ERBB4: variants seen among roughly 807,000 people sequenced by gnomAD.
The protein encoded by ERBB4 is receptor tyrosine-protein kinase erbB-4.
ERBB4 carries 42 observed loss-of-function variants against 158.0 expected under a neutral mutation model. The ratio of observed to expected loss-of-function variants is 0.27; its 90% confidence interval spans 0.21 to 0.34. The LOEUF (loss-of-function observed/expected upper bound fraction) is 0.34, where lower values mean the gene tolerates loss of function less well. ERBB4 is among the 10% of genes least tolerant of loss of function. The pLI is 1.00. For missense variants in ERBB4, 1,333 were observed against 1,624.1 expected (o/e 0.82, Z 3.08); for synonymous variants, 583 against 558.7 (o/e 1.04, Z -0.61).
At chr2:211,582,429 T>C (rs191053833) in intron 19 of ERBB4, among the ~76,000 whole-genome samples, 2 of 152,318 alleles carry the variant, frequency 1.3e-5, no homozygotes, top group Admixed American at 1.3e-4. Flanking sequence ...GTGATCTAAG[T>C]CTTTCCTTTA....
intron 1 of ERBB4, among the ~76,000 whole-genome samples, chr2:212,200,632 G>T (rs2082562500): frequency 6.6e-6 from 1 of 152,150 alleles, no homozygotes; most frequent in Non-Finnish European, 1.5e-5. Flanking sequence ...GCTACAGTAG[G>T]CCAACTGGAT....
intron 2 of ERBB4, among the ~76,000 whole-genome samples, chr2:212,005,774 C>A (rs1010431949): frequency 6.6e-6 from 1 of 152,118 alleles, no homozygotes; most frequent in Non-Finnish European, 1.5e-5. Flanking sequence ...TTCCATATTT[C>A]TATTTTTCAA....
Position 211,679,205 on chromosome 2 carries a change from G to A in ERBB4, c.1490-21C>T, listed in dbSNP as rs113150668. 1.2e-3 allele frequency: 1,887 copies of A among 1,612,500 alleles called. 20 individuals are homozygous for A. The African/African-American group carries it at 0.021, about 18-fold the overall frequency. On this transcript the variant is annotated intron_variant, in intron 12 of 27. Transcript: ENST00000342788. ...AGCAGCTGTGAAACACCAAAATCAAGGGGAAATAAAACAGAGGATTGTGTC... is the reference window on the plus strand; with the variant it reads ...AGCAGCTGTGAAACACCAAAATCAAAGGGAAATAAAACAGAGGATTGTGTC...
At chr2:211,869,873 AC>A (rs2078299304) in intron 3 of ERBB4, among the ~76,000 whole-genome samples, 1 of 152,084 alleles carries the variant, frequency 6.6e-6, no homozygotes, top group South Asian at 2.1e-4. Context: ...CACCACAAAA[AC>A]CTATTTGATT....
intron 1 of ERBB4, among the ~76,000 whole-genome samples, chr2:212,257,139 T>G (rs2084767258): frequency 6.6e-6 from 1 of 152,140 alleles, no homozygotes; most frequent in Admixed American, 6.5e-5. Flanking sequence ...CACTTATAAG[T>G]GAGGACATGC....
chr2:212,022,706 A>G (rs183778155), intron 2 of ERBB4, among the ~76,000 whole-genome samples: 32 of 152,200 alleles, frequency 2.1e-4, no homozygotes, highest in Admixed American at 1.2e-3. Context: ...AACATAAAAA[A>G]CTATAATCTG....
At chr2:211,564,633 C>T (rs906916180) in intron 19 of ERBB4, among the ~76,000 whole-genome samples, 6 of 152,124 alleles carry the variant, frequency 3.9e-5, no homozygotes, top group African/African-American at 1.4e-4. Flanking sequence ...AATCTTGATA[C>T]ATGTACCTTC....
intron 2 of ERBB4, among the ~76,000 whole-genome samples, chr2:212,123,027 T>C (rs1376573373): frequency 3.3e-5 from 5 of 152,366 alleles, no homozygotes; most frequent in African/African-American, 1.2e-4. Flanking sequence ...GTCTATTCTA[T>C]AAAGTCATTG....
chr2:211,644,937 C>G (rs1273310839), intron 16 of ERBB4, among the ~76,000 whole-genome samples: 1 of 151,792 alleles, frequency 6.6e-6, no homozygotes, highest in Non-Finnish European at 1.5e-5. Context: ...TACAATCATG[C>G]CAATTGAGTT....
intron 1 of ERBB4, among the ~76,000 whole-genome samples, chr2:212,211,849 G>A (rs1378223569): frequency 6.6e-6 from 1 of 151,926 alleles, no homozygotes; most frequent in East Asian, 1.9e-4. Flanking sequence ...GTTTGCTGAT[G>A]ATGGCTTATA....
At chr2:211,900,783 T>C (rs2079214150) in intron 3 of ERBB4, among the ~76,000 whole-genome samples, 1 of 152,166 alleles carries the variant, frequency 6.6e-6, no homozygotes. Context: ...GTTTATTTAC[T>C]AGATACTGGC....
intron 2 of ERBB4, among the ~76,000 whole-genome samples, chr2:212,033,618 AATT>A (rs2076950872): frequency 6.6e-6 from 1 of 151,872 alleles, no homozygotes; most frequent in South Asian, 2.1e-4. Context: ...TGATCCAGGA[AATT>A]GTAAAAATTG....
intron 3 of ERBB4, among the ~76,000 whole-genome samples, chr2:211,904,990 T>G (rs77680578): frequency 0.06 from 9,101 of 152,222 alleles, 428 homozygotes; most frequent in Middle Eastern, 0.092. Context: ...CCAAATCACA[T>G]TCAACTTTAA....
At chr2:212,121,097 T>C (rs1300519358) in intron 2 of ERBB4, among the ~76,000 whole-genome samples, 1 of 152,184 alleles carries the variant, frequency 6.6e-6, no homozygotes, top group Non-Finnish European at 1.5e-5. Context: ...TAATGTATCA[T>C]CCAATACAGT....
Position 212,510,483 on chromosome 2 carries a change from G to C in ERBB4, c.82+27966C>G, listed in dbSNP as rs536361499. On this transcript the variant is annotated intron_variant, in intron 1 of 27. Transcript: ENST00000342788. The stretch of plus-strand genomic sequence containing the variant: ...CACTTTTCTGTTTTAAATAGGATTT[G>C]GCTAAAGGGTTTTCCATAATCCAAT... Among the ~76,000 whole-genome samples the C allele has an allele frequency of 2.0e-5, 3 of 151,852 alleles. No homozygotes were observed. In the South Asian group the frequency reaches 6.2e-4, roughly 32 times the overall value.
At chr2:211,421,378 T>C (rs1431077319) in intron 24 of ERBB4, among the ~76,000 whole-genome samples, 1 of 151,902 alleles carries the variant, frequency 6.6e-6, no homozygotes, top group East Asian at 1.9e-4. Context: ...GGCCCATTTG[T>C]TTAGAGTTTA....
At chr2:211,912,265 T>A (rs2079558607) in intron 3 of ERBB4, among the ~76,000 whole-genome samples, 1 of 152,180 alleles carries the variant, frequency 6.6e-6, no homozygotes. Context: ...GTTTTTGTTC[T>A]GTACCTGGAA....
chr2:212,447,460 A>G (rs2092378621), intron 1 of ERBB4, among the ~76,000 whole-genome samples: 1 of 151,970 alleles, frequency 6.6e-6, no homozygotes, highest in African/African-American at 2.4e-5. Flanking sequence ...CAAAGTCAAG[A>G]TTTCCACCCT....
chr2:212,417,523 G>T (rs1055003095), intron 1 of ERBB4, among the ~76,000 whole-genome samples: 3 of 151,946 alleles, frequency 2.0e-5, no homozygotes, highest in African/African-American at 4.8e-5. Context: ...CACTAAAATT[G>T]TCTACTGACT....
Sources: allele counts gnomAD v4.1 joint callset (sites outside exome capture counted in the v4.1 genomes callset), GRCh38; gene constraint gnomAD v4.1.1; transcripts MANE v1.5; gene names NCBI Gene and HGNC (gene_info 2026-07-23, HGNC 2026-07-21).